Variants in PTCHD1 observed in about 807,000 individuals in gnomAD.
PTCHD1 encodes patched domain containing 1.
PTCHD1 carries 3 observed loss-of-function variants against 34.6 expected under a neutral mutation model. That is an observed-to-expected ratio of 0.09 (90% CI 0.04 to 0.22). The LOEUF (loss-of-function observed/expected upper bound fraction) is 0.22, where lower values mean the gene tolerates loss of function less well. Among genes scored for constraint, PTCHD1 ranks in the 10% least tolerant of loss-of-function variants. The probability of loss-of-function intolerance (pLI) is 1.00; values close to 1 mark genes in which losing one functional copy is unlikely to be tolerated. For missense variants in PTCHD1, 504 were observed against 685.5 expected, an observed-to-expected ratio of 0.74 and a Z score of 2.96; for synonymous variants, 305 against 283.1, an observed-to-expected ratio of 1.08 and a Z score of -0.77.
At chrX:23,383,776 T>A (rs1028149714) in intron 2 of PTCHD1, among the ~76,000 whole-genome samples, 1 of 112,340 alleles carries the variant, frequency 8.9e-6, no homozygotes, top group African/African-American at 3.2e-5. Context: ...TTCATCGACA[T>A]TTTTTAGTTA....
At chrX:23,390,138 C>A (rs992561695) in intron 2 of PTCHD1, among the ~76,000 whole-genome samples, 1 of 111,599 alleles carries the variant, frequency 9.0e-6, no homozygotes, top group Non-Finnish European at 1.9e-5. Flanking sequence ...GATTTAAGTT[C>A]TATTATATGA....
intron 1 of PTCHD1, among the ~76,000 whole-genome samples, chrX:23,357,512 CA>C (rs1217969070): frequency 4.5e-5 from 5 of 111,040 alleles, no homozygotes; most frequent in Non-Finnish European, 7.5e-5. Context: ...AAATTCCACC[CA>C]TGAGTCTATA....
chrX:23,365,062 C>A (rs1049952989), intron 1 of PTCHD1, among the ~76,000 whole-genome samples: 3 of 111,516 alleles, frequency 2.7e-5, no homozygotes, highest in Non-Finnish European at 5.6e-5. Flanking sequence ...TAGCCTTAAG[C>A]CTTAATGAAA....
intron 2 of PTCHD1, 52 bp from the exon 3 acceptor site, chrX:23,392,479 T>G: frequency 1.2e-6 from 1 of 842,525 alleles, no homozygotes; most frequent in Non-Finnish European, 1.8e-6. Flanking sequence ...GATTTCCCTC[T>G]TAAGAGATTA....
At chrX:23,341,527 G>C (rs995146464) in intron 1 of PTCHD1, among the ~76,000 whole-genome samples, 2 of 111,744 alleles carry the variant, frequency 1.8e-5, no homozygotes, top group Non-Finnish European at 3.8e-5. Flanking sequence ...ACTTGAGATA[G>C]GCTTAAAGCA....
chrX:23,350,127 G>A (rs958296274), intron 1 of PTCHD1, among the ~76,000 whole-genome samples: 30 of 98,833 alleles, frequency 3.0e-4, no homozygotes, highest in African/African-American at 1.1e-3. Flanking sequence ...AACAATAGAT[G>A]TGGTACCACC....
At chrX:23,358,786 A>C (rs891534228) in intron 1 of PTCHD1, among the ~76,000 whole-genome samples, 1 of 108,236 alleles carries the variant, frequency 9.2e-6, no homozygotes, top group South Asian at 4.1e-4. Context: ...TTTAGGTCTA[A>C]CATTTAAGTC....
At chrX:23,390,239 T>C (rs5971116) in intron 2 of PTCHD1, among the ~76,000 whole-genome samples, 17 of 107,995 alleles carry the variant, frequency 1.6e-4, no homozygotes, top group Non-Finnish European at 2.9e-4. Flanking sequence ...TTCTGGCAAG[T>C]AAATATCATT....
chrX:23,343,081 T>C (rs1445743056), intron 1 of PTCHD1, among the ~76,000 whole-genome samples: 1 of 112,571 alleles, frequency 8.9e-6, no homozygotes, highest in Non-Finnish European at 1.9e-5. Context: ...TACTGGTTTA[T>C]AGCTTGTAAG....
At chrX:23,361,173 T>A (rs887022093) in intron 1 of PTCHD1, among the ~76,000 whole-genome samples, 2 of 111,699 alleles carry the variant, frequency 1.8e-5, no homozygotes, top group African/African-American at 6.5e-5. Context: ...GTCTGCTTGG[T>A]GCAGAGCTGA....
rs1569143326 is a variant in PTCHD1, at chrX:23,393,491, G to A, written c.1973G>A (p.Arg658Lys). 1.7e-6 allele frequency: 2 copies of A among 1,211,008 alleles called. No homozygotes were observed. The highest frequency in any genetic ancestry group is 2.2e-6 in the Non-Finnish European group (2 of 894,726). The change falls in exon 3 of 3, where the codon AGA (arginine) becomes AAA (lysine). Residue 658 changes from arginine to lysine, a missense_variant. Arg to Lys is a conservative substitution (Grantham distance 26, BLOSUM62 2). Coordinates refer to ENST00000379361, the MANE Select transcript of PTCHD1 (RefSeq NM_173495.3). Reference protein sequence around the residue: ...FLVAKTMETNREELYDLLETL... With the variant: ...FLVAKTMETNKEELYDLLETL... Reference sequence around the variant, plus strand: ...GTGGCCAAGACCATGGAAACAAACAGAGAAGAACTCTATGATCTCTTGGAA... The same window carrying A: ...GTGGCCAAGACCATGGAAACAAACAAAGAAGAACTCTATGATCTCTTGGAA...
chrX:23,342,510 A>G (rs1921370803), intron 1 of PTCHD1, among the ~76,000 whole-genome samples: 1 of 107,175 alleles, frequency 9.3e-6, no homozygotes. Flanking sequence ...ATGGATATTC[A>G]TCCCTTTACT....
At chrX:23,378,466 G>C (rs1047319613) in intron 1 of PTCHD1, among the ~76,000 whole-genome samples, 1 of 112,144 alleles carries the variant, frequency 8.9e-6, no homozygotes, top group African/African-American at 3.2e-5. Flanking sequence ...ATCTGAAATA[G>C]AGCATTTGTG....
upstream of PTCHD1, chrX:23,334,778 G>C (rs1282423502): frequency 4.0e-6 from 1 of 249,102 alleles, no homozygotes; most frequent in South Asian, 2.0e-4. Context: ...CCGCCGCCGC[G>C]GGCGCCGCTG....
chrX:23,382,618 T>A (rs1228540100), intron 2 of PTCHD1, among the ~76,000 whole-genome samples: 1 of 112,758 alleles, frequency 8.9e-6, no homozygotes, highest in Non-Finnish European at 1.9e-5. Context: ...ACATCACAGT[T>A]CAATTCAGAA....
At chrX:23,386,272 G>A (rs1241364230) in intron 2 of PTCHD1, among the ~76,000 whole-genome samples, 1 of 111,145 alleles carries the variant, frequency 9.0e-6, no homozygotes. Context: ...TCATTTCTAG[G>A]GCTCTCTTTT....
rs768210587 is a variant in PTCHD1, at chrX:23,402,957, AAAG to A, written c.*8777_*8779del. The A allele has an allele frequency of 8.0e-5, 9 of 112,708 alleles. No homozygotes were observed. The highest frequency in any genetic ancestry group is 1.3e-4 in the African/African-American group (4 of 31,053). The allele number at this position is 112,708 out of a possible 1,213,427, so 9.3% of individuals were successfully genotyped here. The stretch of plus-strand genomic sequence containing the variant: ...CAATTGTAGTAGGTGAGAAAACAAA[AAAG>A]AAGAGAAGCTATGTTGAATATTTAG... On this transcript the variant is annotated 3_prime_UTR_variant, in exon 3 of 3. Coordinates refer to ENST00000379361, the MANE Select transcript of PTCHD1 (RefSeq NM_173495.3).
intron 1 of PTCHD1, 62 bp from the exon 2 acceptor site, chrX:23,379,529 T>A: frequency 8.8e-7 from 1 of 1,131,298 alleles, no homozygotes; most frequent in Non-Finnish European, 1.2e-6. Flanking sequence ...ATGTCCACCC[T>A]CTCCAAAAAA....
At chrX:23,343,358 C>A (rs1234867839) in intron 1 of PTCHD1, among the ~76,000 whole-genome samples, 1 of 111,830 alleles carries the variant, frequency 8.9e-6, no homozygotes, top group African/African-American at 3.2e-5. Flanking sequence ...GACCTCAGTC[C>A]CCAATCAGTG....
Sources: allele counts gnomAD v4.1 joint callset (sites outside exome capture counted in the v4.1 genomes callset), GRCh38; gene constraint gnomAD v4.1.1; transcripts MANE v1.5; gene names NCBI Gene and HGNC (gene_info 2026-07-23, HGNC 2026-07-21).